The following CCDC171 variants were observed in gnomAD, a reference collection of about 807,000 sequenced individuals.
The protein encoded by CCDC171 is coiled-coil domain-containing protein 171.
Under a neutral mutation model 168.2 loss-of-function variants are expected in CCDC171, and 177 were observed. The ratio of observed to expected loss-of-function variants is 1.05; its 90% CI spans 0.93 to 1.19. The LOEUF (loss-of-function observed/expected upper bound fraction) is 1.19, where lower values mean the gene tolerates loss of function less well. Ranked by LOEUF, CCDC171 falls within the 50% of genes most tolerant of loss-of-function variation. The pLI, the probability that CCDC171 is intolerant of heterozygous loss-of-function variation, is 0.00. For synonymous variants in CCDC171, 687 were observed against 540.8 expected (o/e 1.27, Z -3.75); for missense variants, 1,991 against 1,539.0 (o/e 1.29, Z -4.91).
intron 7 of CCDC171, among the ~76,000 whole-genome samples, chr9:15,643,797 A>G (rs1411910059): frequency 6.6e-6 from 1 of 152,186 alleles, no homozygotes. Flanking sequence ...CCTATTCTGG[A>G]CAATTCTTAT....
intron 21 of CCDC171, among the ~76,000 whole-genome samples, chr9:15,843,256 A>C (rs1478657486): frequency 6.6e-6 from 1 of 152,078 alleles, no homozygotes; most frequent in Non-Finnish European, 1.5e-5. Flanking sequence ...CCATTGTAAA[A>C]ATTTGCTTTA....
At chr9:15,559,333 T>G (rs925652022) in intron 1 of CCDC171, among the ~76,000 whole-genome samples, 1 of 152,038 alleles carries the variant, frequency 6.6e-6, no homozygotes, top group African/African-American at 2.4e-5. Context: ...TACAGTGGGG[T>G]TTTAAAGTCT....
intron 6 of CCDC171, among the ~76,000 whole-genome samples, chr9:15,604,999 C>T (rs554512272): frequency 6.6e-6 from 1 of 152,112 alleles, no homozygotes; most frequent in Non-Finnish European, 1.5e-5. Flanking sequence ...CTCACTGCAG[C>T]CTTTGCCTAC....
intron 21 of CCDC171, among the ~76,000 whole-genome samples, chr9:15,798,487 G>A (rs924990897): frequency 6.6e-6 from 1 of 151,836 alleles, no homozygotes; most frequent in African/African-American, 2.4e-5. Flanking sequence ...ATGCAGGTTT[G>A]TTACATAGGT....
chr9:15,685,096 G>A (rs1195081120), intron 10 of CCDC171, among the ~76,000 whole-genome samples: 1 of 152,124 alleles, frequency 6.6e-6, no homozygotes, highest in African/African-American at 2.4e-5. Flanking sequence ...TTCTGGGGAT[G>A]TTTAGAATTA....
At chr9:15,833,523 C>A (rs1302486914) in intron 21 of CCDC171, among the ~76,000 whole-genome samples, 1 of 152,114 alleles carries the variant, frequency 6.6e-6, no homozygotes. Context: ...ATAATTTTCT[C>A]TGTAATTAGT....
chr9:15,837,224 T>C (rs185497348), intron 21 of CCDC171, among the ~76,000 whole-genome samples: 2 of 152,316 alleles, frequency 1.3e-5, no homozygotes, highest in Admixed American at 1.3e-4. Flanking sequence ...CAGAGCATTT[T>C]CTAGGCTCCA....
At chr9:16,010,916 T>C (rs1190078210) in intron 3 of CCDC171, among the ~76,000 whole-genome samples, 1 of 152,144 alleles carries the variant, frequency 6.6e-6, no homozygotes, top group African/African-American at 2.4e-5. Context: ...TACCCACATC[T>C]GACTGTCATG....
At chr9:15,981,612 A>G (rs567752897) in intron 3 of CCDC171, among the ~76,000 whole-genome samples, 31 of 152,186 alleles carry the variant, frequency 2.0e-4, no homozygotes, top group Non-Finnish European at 3.8e-4. Flanking sequence ...TTAAGTTGTA[A>G]CTACCTAAAC....
At chr9:15,584,542 A>T (rs1254548879) in intron 4 of CCDC171, among the ~76,000 whole-genome samples, 1 of 152,218 alleles carries the variant, frequency 6.6e-6, no homozygotes, top group Non-Finnish European at 1.5e-5. Flanking sequence ...CTGTTTGTTC[A>T]GTAGCATTTC....
intron 21 of CCDC171, among the ~76,000 whole-genome samples, chr9:15,797,608 T>G (rs1003174700): frequency 6.6e-6 from 1 of 152,110 alleles, no homozygotes; most frequent in African/African-American, 2.4e-5. Context: ...TCACATATAT[T>G]AATAATATTA....
At chr9:15,915,874 T>C (rs569970212) in intron 24 of CCDC171, among the ~76,000 whole-genome samples, 2 of 152,188 alleles carry the variant, frequency 1.3e-5, no homozygotes, top group Non-Finnish European at 2.9e-5. Context: ...GATGATCTTA[T>C]GGTTTTTGTC....
chr9:16,064,648 G>A (rs17784100), downstream of CCDC171, among the ~76,000 whole-genome samples: 20,006 of 152,092 alleles, frequency 0.13, 1,374 homozygotes, highest in Middle Eastern at 0.15. Context: ...AAGAGGCATG[G>A]CAACTGGCAA....
chr9:15,941,845 T>G (rs1303884556), intron 25 of CCDC171, among the ~76,000 whole-genome samples: 2 of 151,916 alleles, frequency 1.3e-5, no homozygotes. Context: ...AAGGGTTACC[T>G]ATCTATTGTT....
At chr9:16,042,409 G>T (rs1360252121), upstream of CCDC171, among the ~76,000 whole-genome samples, 1 of 152,178 alleles carries the variant, frequency 6.6e-6, no homozygotes, top group Admixed American at 6.5e-5. Flanking sequence ...GGCAGGGAGG[G>T]CTTCTGGGTA....
At chr9:15,906,167 A>G (rs538022868) in intron 24 of CCDC171, among the ~76,000 whole-genome samples, 1 of 152,192 alleles carries the variant, frequency 6.6e-6, no homozygotes, top group South Asian at 2.1e-4. Context: ...TCCCTAACTC[A>G]TTTTATGAGG....
chr9:16,071,751 C>T, the CCDC171 span, among the ~76,000 whole-genome samples: 1 of 152,142 alleles, frequency 6.6e-6, no homozygotes, highest in Non-Finnish European at 1.5e-5. Context: ...AATCATCCAC[C>T]AGGTCTTCAA....
chr9:16,000,316 A>T (rs1002705576), intron 3 of CCDC171, among the ~76,000 whole-genome samples: 1 of 152,040 alleles, frequency 6.6e-6, no homozygotes, highest in Admixed American at 6.6e-5. Context: ...AAAACAAGGG[A>T]TTGACTTTTT....
At chr9:15,848,008 GT>G (rs1377710683) in intron 22 of CCDC171, among the ~76,000 whole-genome samples, 3 of 151,882 alleles carry the variant, frequency 2.0e-5, no homozygotes, top group Non-Finnish European at 2.9e-5. Context: ...TGTTGTTATT[GT>G]TCACTCCCAG....
Sources: allele counts gnomAD v4.1 joint callset (sites outside exome capture counted in the v4.1 genomes callset), GRCh38; gene constraint gnomAD v4.1.1; transcripts MANE v1.5; gene names NCBI Gene and HGNC (gene_info 2026-07-23, HGNC 2026-07-21).